Variants in VPS37A observed in about 807,000 individuals in gnomAD.
VPS37A encodes VPS37A subunit of ESCRT-I.
VPS37A carries 30 observed loss-of-function variants against 49.8 expected under a neutral mutation model. That is an observed-to-expected ratio of 0.60 (90% CI 0.45 to 0.82). The LOEUF is 0.82. Ranked by LOEUF, VPS37A falls within the 40% of genes least tolerant of loss-of-function variation. VPS37A has a pLI of 0.00. For missense variants in VPS37A, 593 were observed against 464.4 expected, an observed-to-expected ratio of 1.28 and a Z score of -2.55; for synonymous variants, 195 against 160.6, an observed-to-expected ratio of 1.21 and a Z score of -1.62.
At chr8:17,323,108 C>T in the VPS37A span, among the ~76,000 whole-genome samples, 5 of 151,776 alleles carry the variant, frequency 3.3e-5, no homozygotes, top group African/African-American at 1.2e-4. Flanking sequence ...CCACCACGCC[C>T]AGCTAATTTT....
chr8:17,284,580 A>G lies in VPS37A; in HGVS notation c.1077A>G (p.Ile359Met). The change falls in exon 10 of 12, where the codon ATA becomes ATG. Residue 359 changes from isoleucine to methionine, a missense_variant. Transcript: ENST00000324849. ...AEDFLEGKME[I>M]DDFLSSFMEK... is the part of the protein sequence containing the mutation. ...ACTTCTTGGAGGGAAAGATGGAAAT[A>G]GATGATTTTCTCAGTAGCTTCATGG... 1.2e-6 allele frequency: 2 copies of G among 1,600,806 alleles called. No individual in the cohort carries two copies. The highest frequency in any genetic ancestry group is 1.7e-6 in the Non-Finnish European group (2 of 1,175,520).
the VPS37A span, among the ~76,000 whole-genome samples, chr8:17,329,726 G>T: frequency 0.55 from 83,707 of 152,008 alleles, 23,595 homozygotes; most frequent in East Asian, 0.78. Context: ...CAGTACCAAG[G>T]AGTCCAATTT....
rs1217981500 is a variant in VPS37A, at chr8:17,295,441, G to T, written c.*455G>T. ...GAAACCCTTATTTTTCTTTCTTTGT[G>T]GATAAAACTTTCAAAAGCAATTTAA... On this transcript the variant is annotated 3_prime_UTR_variant, in exon 12 of 12. Transcript: ENST00000324849. 1 of 152,134 alleles carries T rather than the reference G, an allele frequency of 6.6e-6. No individual in the cohort carries two copies. Among genetic ancestry groups the T allele is most frequent in the Non-Finnish European group, 1.5e-5 (1 of 67,928 alleles). The allele number at this position is 152,134 out of a possible 1,614,324, so 9.4% of individuals were successfully genotyped here.
intron 2 of VPS37A, among the ~76,000 whole-genome samples, chr8:17,267,994 T>C (rs1178360579): frequency 2.6e-5 from 4 of 152,228 alleles, no homozygotes; most frequent in African/African-American, 9.6e-5. Context: ...AAGCAACTAA[T>C]TGGCATGATG....
Position 17,258,821 on chromosome 8 carries a change from ATC to A in VPS37A, c.126-7085_126-7084del, listed in dbSNP as rs558683545. On this transcript the variant is annotated intron_variant, in intron 1 of 11. Transcript: ENST00000324849. ...TTGGCTTATTGAAGTTTTCTATTTT[ATC>A]ATGGTTTAATCTTAGTAGGTTGTAT... 6.2e-4 allele frequency among the ~76,000 whole-genome samples: 95 copies of A among 152,012 alleles called. 3 individuals carry two copies. In the South Asian group the frequency reaches 0.011, roughly 17 times the overall value.
chr8:17,286,539 G>C (rs1366589465), intron 11 of VPS37A, 112 bp downstream of exon 11: 1 of 842,666 alleles, frequency 1.2e-6, no homozygotes, highest in Non-Finnish European at 1.9e-6. Context: ...TGTCATTATA[G>C]TTACTGTGCT....
At chr8:17,308,931 C>G in the VPS37A span, among the ~76,000 whole-genome samples, 9 of 152,196 alleles carry the variant, frequency 5.9e-5, no homozygotes, top group African/African-American at 2.2e-4. Context: ...CAGTTCACAA[C>G]TTGCAGACTA....
At chr8:17,305,788 A>G (rs760519792), downstream of VPS37A, 3 of 1,613,362 alleles carry the variant, frequency 1.9e-6, no homozygotes, top group African/African-American at 1.3e-5. Context: ...TGGCTGTTAC[A>G]TAGGAAGTTT....
Position 17,265,891 on chromosome 8 carries a change from A to C in VPS37A, c.126-16A>C, listed in dbSNP as rs1328035907. The C allele has an allele frequency of 2.5e-6, 4 of 1,613,216 alleles. No homozygotes were observed. In the Admixed American group the frequency reaches 5.0e-5, roughly 20 times the overall value. On this transcript the variant is annotated splice_polypyrimidine_tract_variant and intron_variant, in intron 1 of 11. Transcript: ENST00000324849. ...TTCATGACTTTGGGTAAATTTTTTA[A>C]AATTTTCTCCTGCAGTATAGCCGAA... is the stretch of plus-strand genomic sequence containing the variant.
At chr8:17,305,801 A>G (rs1158631911), downstream of VPS37A, 1 of 1,613,632 alleles carries the variant, frequency 6.2e-7, no homozygotes, top group Non-Finnish European at 8.5e-7. Flanking sequence ...GGAAGTTTCC[A>G]AACTGGCAGG....
downstream of VPS37A, chr8:17,304,257 G>C (rs1817307822): frequency 9.4e-7 from 1 of 1,062,074 alleles, no homozygotes; most frequent in Non-Finnish European, 1.3e-6. Context: ...TCTCCCTCTG[G>C]TGTCTTTTGT....
chr8:17,287,598 A>T (rs900269510), intron 11 of VPS37A, among the ~76,000 whole-genome samples: 2 of 152,052 alleles, frequency 1.3e-5, no homozygotes, highest in African/African-American at 4.8e-5. Context: ...GAATGGCATG[A>T]ACCTGGGAGG....
chr8:17,247,329 A>T lies in VPS37A; in HGVS notation c.85A>T (p.Lys29Ter). Reference sequence around the variant, plus strand: ...TGGCCTCACCAGCCTCCAGCAGCAGAAGCAGCGCCTGATCGAGTCCCTCCG... The same window carrying T: ...TGGCCTCACCAGCCTCCAGCAGCAGTAGCAGCGCCTGATCGAGTCCCTCCG... ...PGGLTSLQQQ[K>*]QRLIESLRNS... The change falls in exon 1 of 12, where the codon AAG (lysine) becomes TAG (stop). Residue 29 changes from lysine to a stop codon, truncating the protein, a stop_gained. Coordinates refer to ENST00000324849, the MANE Select transcript of VPS37A (RefSeq NM_152415.3). LOFTEE classifies it high-confidence loss of function. 6.5e-7 allele frequency: 1 copy of T among 1,549,212 alleles called. No homozygotes were observed. Among genetic ancestry groups the T allele is most frequent in the Non-Finnish European group, 8.7e-7 (1 of 1,146,056 alleles).
chr8:17,306,008 ACAAAGCCATAAATG>A, downstream of VPS37A: 1 of 1,470,278 alleles, frequency 6.8e-7, no homozygotes, highest in Non-Finnish European at 9.3e-7. Context: ...TTTTTAAAGT[ACAAAGCCATAAATG>A]CAAAAACAAC....
At chr8:17,271,990 C>A (rs927391405) in intron 4 of VPS37A, 1 of 456,732 alleles carries the variant, frequency 2.2e-6, no homozygotes, top group Non-Finnish European at 4.4e-6. Flanking sequence ...CATTTTACTA[C>A]AGCCAGCTAG....
downstream of VPS37A, among the ~76,000 whole-genome samples, chr8:17,307,194 A>G (rs1817508341): frequency 6.6e-6 from 1 of 152,210 alleles, no homozygotes; most frequent in Admixed American, 6.5e-5. Flanking sequence ...AATTTACAAG[A>G]AAAAAACAAC....
the VPS37A span, among the ~76,000 whole-genome samples, chr8:17,331,991 T>G: frequency 1.3e-5 from 2 of 152,192 alleles, no homozygotes; most frequent in Admixed American, 1.3e-4. Flanking sequence ...CTGAAGAAGT[T>G]TATTAAATCC....
Position 17,268,327 on chromosome 8 carries a change from A to G in VPS37A, c.270A>G (p.Leu90=). Residue 90 remains leucine, a synonymous_variant, in exon 3 of 12, where the codon TTA becomes TTG. Coordinates refer to ENST00000324849, the MANE Select transcript of VPS37A (RefSeq NM_152415.3). The part of the protein sequence containing the change: ...ISVYPPIRHH[L]MDKQGVYVTS... ...TTTATCCACCAATACGACATCACTTAATGGATAAACAAGGAGTGTATGTTA... is the reference window on the plus strand; with the variant it reads ...TTTATCCACCAATACGACATCACTTGATGGATAAACAAGGAGTGTATGTTA... 1 of 1,613,512 alleles carries G rather than the reference A, an allele frequency of 6.2e-7. No homozygotes were observed. The highest frequency in any genetic ancestry group is 1.1e-5 in the South Asian group (1 of 91,048).
At chr8:17,266,792 G>C (rs1246445730) in intron 2 of VPS37A, among the ~76,000 whole-genome samples, 3 of 152,070 alleles carry the variant, frequency 2.0e-5, no homozygotes, top group Admixed American at 6.6e-5. Context: ...ACTTATTTTT[G>C]AGACGGAGCC....
Sources: gnomAD v4.1 joint callset for allele counts (sites outside exome capture counted in the v4.1 genomes callset) on GRCh38, gnomAD v4.1.1 for gene constraint, MANE v1.5 for transcripts, NCBI Gene and HGNC (gene_info 2026-07-23, HGNC 2026-07-21) for gene names.